The following DSCAM variants were observed in gnomAD, a reference collection of about 807,000 sequenced individuals.
DSCAM encodes the protein cell adhesion molecule DSCAM.
Under a neutral mutation model 217.7 loss-of-function variants are expected in DSCAM, and 47 were observed. The observed-to-expected ratio is 0.22, with a 90% CI of 0.17 to 0.28. DSCAM has a LOEUF of 0.28. DSCAM is among the 10% of genes least tolerant of loss of function. The pLI, the probability that DSCAM is intolerant of heterozygous loss-of-function variation, is 1.00. For missense variants in DSCAM, 2,080 were observed against 2,618.3 expected (o/e 0.79, Z 4.49); for synonymous variants, 1,056 against 1,015.3 (o/e 1.04, Z -0.76).
chr21:40,649,291 T>C (rs2089986355), intron 3 of DSCAM, among the ~76,000 whole-genome samples: 2 of 152,084 alleles, frequency 1.3e-5, no homozygotes, highest in South Asian at 4.2e-4. Context: ...CCCTGCCACC[T>C]CTGGCCCACT....
intron 16 of DSCAM, among the ~76,000 whole-genome samples, chr21:40,152,814 A>T (rs2146738516): frequency 6.6e-6 from 1 of 152,332 alleles, no homozygotes; most frequent in African/African-American, 2.4e-5. Context: ...GAATGATTAG[A>T]ACAGGCATCT....
intron 1 of DSCAM, among the ~76,000 whole-genome samples, chr21:40,715,866 G>C (rs2090836474): frequency 6.6e-6 from 1 of 151,914 alleles, no homozygotes; most frequent in African/African-American, 2.4e-5. Context: ...AGCAAAATTT[G>C]GTCATATTTG....
intron 1 of DSCAM, among the ~76,000 whole-genome samples, chr21:40,799,636 A>G (rs894089819): frequency 1.3e-5 from 2 of 152,196 alleles, no homozygotes; most frequent in African/African-American, 4.8e-5. Flanking sequence ...TTTCCACCTC[A>G]TAAAGTCTTT....
At chr21:40,225,757 C>A (rs566128089) in intron 11 of DSCAM, among the ~76,000 whole-genome samples, 2 of 152,140 alleles carry the variant, frequency 1.3e-5, no homozygotes, top group Non-Finnish European at 2.9e-5. Context: ...ACAAAGGTAA[C>A]AATACTTTTC....
chr21:40,787,582 T>C (rs577549628), intron 1 of DSCAM, among the ~76,000 whole-genome samples: 41 of 152,356 alleles, frequency 2.7e-4, no homozygotes, highest in African/African-American at 9.6e-4. Flanking sequence ...TACTCACTTT[T>C]ATTCATCCAT....
chr21:40,585,227 G>T (rs1279176349), intron 3 of DSCAM, among the ~76,000 whole-genome samples: 1 of 145,676 alleles, frequency 6.9e-6, no homozygotes, highest in Admixed American at 7.0e-5. Context: ...TTTCTTTACA[G>T]CAATGTAAAA....
intron 3 of DSCAM, among the ~76,000 whole-genome samples, chr21:40,607,017 C>T (rs150705648): frequency 5.3e-4 from 81 of 152,294 alleles, no homozygotes; most frequent in African/African-American, 1.8e-3. Flanking sequence ...TTGCCAGCCA[C>T]GTGGAACTCT....
intron 11 of DSCAM, among the ~76,000 whole-genome samples, chr21:40,219,932 A>G (rs538814216): frequency 5.9e-5 from 9 of 152,246 alleles, no homozygotes; most frequent in Non-Finnish European, 1.3e-4. Context: ...CAGTTCAGAC[A>G]TAAATATTCT....
At chr21:40,055,597 C>G in intron 29 of DSCAM, 128 bp downstream of exon 29, 2 of 675,456 alleles carry the variant, frequency 3.0e-6, no homozygotes. Context: ...TCTCTACCTT[C>G]TAGCTTTGGT....
chr21:40,821,636 T>G (rs1304367903), intron 1 of DSCAM, among the ~76,000 whole-genome samples: 2 of 152,176 alleles, frequency 1.3e-5, no homozygotes, highest in African/African-American at 4.8e-5. Flanking sequence ...TATGGCTGCA[T>G]AGTATTCCGT....
intron 27 of DSCAM, among the ~76,000 whole-genome samples, chr21:40,071,089 G>T (rs891075287): frequency 6.6e-6 from 1 of 152,160 alleles, no homozygotes; most frequent in Admixed American, 6.5e-5. Flanking sequence ...AAAGGAGGAG[G>T]CTTTTAGAAA....
At chr21:40,229,586 T>C (rs1229840180) in intron 11 of DSCAM, among the ~76,000 whole-genome samples, 2 of 152,230 alleles carry the variant, frequency 1.3e-5, no homozygotes, top group Non-Finnish European at 2.9e-5. Flanking sequence ...TTTCAGAATG[T>C]CATAAAAATG....
chr21:40,496,798 G>T (rs369716294), intron 3 of DSCAM, among the ~76,000 whole-genome samples: 26 of 151,878 alleles, frequency 1.7e-4, no homozygotes, highest in Admixed American at 1.4e-3. Flanking sequence ...CAATAGCAAA[G>T]AAACAAATAG....
intron 14 of DSCAM, among the ~76,000 whole-genome samples, chr21:40,180,105 T>A: frequency 6.6e-6 from 1 of 152,240 alleles, no homozygotes; most frequent in East Asian, 1.9e-4. Context: ...CAGTCTTTTA[T>A]CCCTAGTGCT....
intron 1 of DSCAM, among the ~76,000 whole-genome samples, chr21:40,836,669 G>A (rs192879190): frequency 6.6e-6 from 1 of 152,328 alleles, no homozygotes; most frequent in Admixed American, 6.5e-5. Flanking sequence ...GCAAGTGTGT[G>A]TTTTGCAAAG....
chr21:40,200,779 T>C (rs1033262080), intron 11 of DSCAM, among the ~76,000 whole-genome samples: 3 of 152,178 alleles, frequency 2.0e-5, no homozygotes, highest in Non-Finnish European at 4.4e-5. Flanking sequence ...ACCTGCCGCC[T>C]CCTAAGGCTG....
rs537705817 is a variant in DSCAM, at chr21:40,491,190, C to T, written c.509-121945G>A. Among the ~76,000 whole-genome samples the T allele has an allele frequency of 1.7e-4, 26 of 152,162 alleles. No homozygotes were observed. The East Asian group carries it at 3.5e-3, about 20-fold the overall frequency. On this transcript the variant is annotated intron_variant, in intron 3 of 32. Coordinates refer to ENST00000400454, the MANE Select transcript of DSCAM (RefSeq NM_001389.5). ...TCTTATTCTTTTTTAAAAATAAATG[C>T]TTTCTAGTGAAAAATCTATTTTTCT...
intron 1 of DSCAM, among the ~76,000 whole-genome samples, chr21:40,760,874 C>T (rs1047164848): frequency 6.6e-6 from 1 of 152,196 alleles, no homozygotes; most frequent in Non-Finnish European, 1.5e-5. Context: ...GGGACAGGGT[C>T]CCCAAGACAC....
At chr21:40,757,618 T>G (rs1474904480) in intron 1 of DSCAM, among the ~76,000 whole-genome samples, 1 of 152,196 alleles carries the variant, frequency 6.6e-6, no homozygotes, top group African/African-American at 2.4e-5. Context: ...GCTAGGCTAG[T>G]CCACCAGAGG....
Sources: allele counts gnomAD v4.1 joint callset (sites outside exome capture counted in the v4.1 genomes callset), GRCh38; gene constraint gnomAD v4.1.1; transcripts MANE v1.5; gene names NCBI Gene and HGNC (gene_info 2026-07-23, HGNC 2026-07-21).